The following TOR1B variants were observed in gnomAD, a reference collection of about 807,000 sequenced individuals.
The protein encoded by TOR1B is torsin-1B.
Under a neutral mutation model 29.2 loss-of-function variants are expected in TOR1B, and 14 were observed. That is an observed-to-expected ratio of 0.48 (90% CI 0.32 to 0.75). The LOEUF (loss-of-function observed/expected upper bound fraction) is 0.75, where lower values mean the gene tolerates loss of function less well. Ranked by LOEUF, TOR1B falls within the 30% of genes least tolerant of loss-of-function variation. TOR1B has a pLI of 0.04. For synonymous variants in TOR1B, 166 were observed against 179.8 expected (o/e 0.92, Z 0.62); for missense variants, 400 against 433.9 (o/e 0.92, Z 0.69).
intron 2 of TOR1B, among the ~76,000 whole-genome samples, chr9:129,804,803 A>G (rs1435974253): frequency 7.2e-6 from 1 of 138,128 alleles, no homozygotes; most frequent in African/African-American, 2.8e-5. Flanking sequence ...CAGAGGTTGC[A>G]GTGAGCTGAG....
chr9:129,808,227 G>C (rs928707099), intron 3 of TOR1B, among the ~76,000 whole-genome samples: 1 of 152,132 alleles, frequency 6.6e-6, no homozygotes, highest in African/African-American at 2.4e-5. Flanking sequence ...GCCGGGTGTG[G>C]TGGCTCACAC....
rs904382223 is a variant in TOR1B at position 129,810,165 on chromosome 9, G to T, written c.*582G>T. 7.7e-7 allele frequency: 1 copy of T among 1,304,012 alleles called. No homozygotes were observed. Among genetic ancestry groups the T allele is most frequent in the Admixed American group, 2.3e-5 (1 of 43,528 alleles). The allele number at this position is 1,304,012 out of a possible 1,614,324, so 80.8% of individuals were successfully genotyped here. ...ACTGGGTGGTTCTCACCAGCAGGCT[G>T]CGGGGCACTGTGTTCTCATTGGCCA... On this transcript the variant is annotated 3_prime_UTR_variant, in exon 5 of 5. Coordinates refer to ENST00000259339, the MANE Select transcript of TOR1B (RefSeq NM_014506.3).
Position 129,810,369 on chromosome 9 carries a change from C to T in TOR1B, c.*786C>T. On this transcript the variant is annotated 3_prime_UTR_variant, in exon 5 of 5. Coordinates refer to ENST00000259339, the MANE Select transcript of TOR1B (RefSeq NM_014506.3). ...TGTGTGTGGGGGGGTGGGGCCTTCA[C>T]CTAAGACCTCTGCAGCAGACCTGGA... 1 of 1,259,134 alleles carries T rather than the reference C, an allele frequency of 7.9e-7. No homozygotes were observed. Among genetic ancestry groups the T allele is most frequent in the Non-Finnish European group, 1.0e-6 (1 of 967,294 alleles). The allele number at this position is 1,259,134 out of a possible 1,614,324, so 78.0% of individuals were successfully genotyped here.
chr9:129,809,459 G>T lies in TOR1B; in HGVS notation c.887G>T (p.Gly296Val). Residue 296 changes from glycine to valine, a missense_variant, in exon 5 of 5, where the codon GGT (glycine) becomes GTT (valine). Physicochemically the swap from Gly to Val is moderately radical, Grantham distance 109. Transcript: ENST00000259339. ...MCVRAEMRAR[G>V]SAIDEDIVTR... ...GTGAGGGCCGAGATGAGGGCCCGTG[G>T]TTCTGCCATAGATGAAGACATTGTC... 1 of 1,614,220 alleles carries T rather than the reference G, an allele frequency of 6.2e-7. No individual in the cohort carries two copies.
chr9:129,806,221 C>T (rs10116248), intron 2 of TOR1B, among the ~76,000 whole-genome samples: 37,807 of 151,964 alleles, frequency 0.25, 4,723 homozygotes, highest in South Asian at 0.32. Flanking sequence ...AACAAACTGA[C>T]GTGAGACAGG....
chr9:129,808,819 T>C (rs2030656620), intron 3 of TOR1B, 86 bp from the exon 4 acceptor site: 1 of 1,556,124 alleles, frequency 6.4e-7, no homozygotes. Context: ...CCCAAAGTGC[T>C]GGGATTACAG....
chr9:129,808,424 G>A (rs570586785), intron 3 of TOR1B, among the ~76,000 whole-genome samples: 1 of 151,418 alleles, frequency 6.6e-6, no homozygotes, highest in Non-Finnish European at 1.5e-5. Flanking sequence ...ACTTGAACCC[G>A]GAAGGTGGAG....
At chr9:129,808,642 C>T (rs537545473) in intron 3 of TOR1B, among the ~76,000 whole-genome samples, 5 of 150,514 alleles carry the variant, frequency 3.3e-5, no homozygotes, top group South Asian at 4.2e-4. Context: ...CTCCACCTCC[C>T]GGATTCAAAC....
At chr9:129,807,931 G>A (rs2030602577) in intron 3 of TOR1B, among the ~76,000 whole-genome samples, 1 of 152,036 alleles carries the variant, frequency 6.6e-6, no homozygotes, top group Non-Finnish European at 1.5e-5. Context: ...CAGCTCCTGG[G>A]GAAGTCGAGG....
At chr9:129,806,810 A>G (rs919129728) in intron 2 of TOR1B, among the ~76,000 whole-genome samples, 25 of 152,156 alleles carry the variant, frequency 1.6e-4, no homozygotes, top group Admixed American at 1.5e-3. Context: ...GCTTGAACCC[A>G]AGAGGCAGAG....
At position 129,807,366 on chromosome 9, in the gene TOR1B, C is replaced by T. The variant is rs371021340; in HGVS notation, c.641+3C>T. 3.7e-6 allele frequency: 6 copies of T among 1,612,632 alleles called. No homozygotes were observed. Among genetic ancestry groups the T allele is most frequent in the African/African-American group, 2.7e-5 (2 of 74,866 alleles). On this transcript the variant is annotated splice_donor_region_variant and intron_variant, in intron 3 of 4. Transcript: ENST00000259339. ...AAAGCCATCTTCATCTTTCTCAGGT[C>T]AGCGGGAGGCGGTTTTTTGGGGCAC... is the stretch of plus-strand genomic sequence containing the variant.
rs368312282 is a variant in TOR1B at position 129,807,377 on chromosome 9, G to T, written c.641+14G>T. On this transcript the variant is annotated intron_variant, in intron 3 of 4. Coordinates refer to ENST00000259339, the MANE Select transcript of TOR1B (RefSeq NM_014506.3). Reference sequence around the variant, plus strand: ...CATCTTTCTCAGGTCAGCGGGAGGCGGTTTTTTGGGGCACACAAGCCCTTC... The same window carrying T: ...CATCTTTCTCAGGTCAGCGGGAGGCTGTTTTTTGGGGCACACAAGCCCTTC... The T allele has an allele frequency of 2.0e-5, 32 of 1,611,644 alleles. No individual in the cohort carries two copies. In the South Asian group the frequency reaches 3.4e-4, roughly 17 times the overall value.
intron 1 of TOR1B, 136 bp downstream of exon 1, chr9:129,803,547 G>A (rs914087429): frequency 1.4e-5 from 15 of 1,038,950 alleles, no homozygotes; most frequent in Non-Finnish European, 1.8e-5. Context: ...AGCTGGGGTG[G>A]GCGGGGAGCG....
chr9:129,808,220 G>A (rs1183277650), intron 3 of TOR1B, among the ~76,000 whole-genome samples: 2 of 151,890 alleles, frequency 1.3e-5, no homozygotes, highest in African/African-American at 2.4e-5. Context: ...ATCTTCGGCC[G>A]GGTGTGGTGG....
At position 129,809,682 on chromosome 9, in the gene TOR1B, G is replaced by C. The variant is rs954358662; in HGVS notation, c.*99G>C. 12 of 1,546,766 alleles carry C rather than the reference G, an allele frequency of 7.8e-6. No homozygotes were observed. In the South Asian group the frequency reaches 1.5e-4, roughly 19 times the overall value. The stretch of plus-strand genomic sequence containing the variant: ...TGAAGACCGCTTTGGGGTTTTGCCT[G>C]TTTGCACCTTAGACTTTTGGGTATA... On this transcript the variant is annotated 3_prime_UTR_variant, in exon 5 of 5. Transcript: ENST00000259339.
Position 129,809,897 on chromosome 9 carries a change from A to T in TOR1B, c.*314A>T. On this transcript the variant is annotated 3_prime_UTR_variant, in exon 5 of 5. Coordinates refer to ENST00000259339, the MANE Select transcript of TOR1B (RefSeq NM_014506.3). ...ATAGAATCTAAGAGTTGATTGTGGA[A>T]AACACGTGAATCTATTGCGCGCATT... 1 of 1,250,676 alleles carries T rather than the reference A, an allele frequency of 8.0e-7. No individual in the cohort carries two copies. The highest frequency in any genetic ancestry group is 1.0e-6 in the Non-Finnish European group (1 of 984,366). 77.5% of individuals were successfully genotyped at this position (1,250,676 alleles called of 1,614,324 possible).
At chr9:129,805,015 GTTGTCCC>G (rs2130987175) in intron 2 of TOR1B, among the ~76,000 whole-genome samples, 1 of 151,690 alleles carries the variant, frequency 6.6e-6, no homozygotes, top group African/African-American at 2.4e-5. Flanking sequence ...GCGGGCACCT[GTTGTCCC>G]AGCTACTCGG....
chr9:129,806,351 C>A (rs1206268454), intron 2 of TOR1B, among the ~76,000 whole-genome samples: 1 of 152,098 alleles, frequency 6.6e-6, no homozygotes, highest in Non-Finnish European at 1.5e-5. Context: ...CCTGGTATAG[C>A]CTTTCACGCT....
chr9:129,807,346 C>T lies in TOR1B; in HGVS notation c.624C>T (p.Ala208=), dbSNP rs1420695749. 1.2e-6 allele frequency: 2 copies of T among 1,614,062 alleles called. No homozygotes were observed. Among genetic ancestry groups the T allele is most frequent in the Non-Finnish European group, 1.7e-6 (2 of 1,179,976 alleles). ...EQVDGVSYRK[A]IFIFLSNAGG... ...TTGACGGAGTGTCTTACCGCAAAGC[C>T]ATCTTCATCTTTCTCAGGTCAGCGG... Residue 208 remains alanine (A), a synonymous_variant, in exon 3 of 5, where the codon GCC becomes GCT. Transcript: ENST00000259339.
Sources: gnomAD v4.1 joint callset for allele counts (sites outside exome capture counted in the v4.1 genomes callset) on GRCh38, gnomAD v4.1.1 for gene constraint, MANE v1.5 for transcripts, NCBI Gene and HGNC (gene_info 2026-07-23, HGNC 2026-07-21) for gene names.